Variants in TTC7B observed in about 807,000 individuals in gnomAD.
The protein encoded by TTC7B is tetratricopeptide repeat protein 7B.
TTC7B carries 28 observed loss-of-function variants against 106.8 expected under a neutral mutation model. The ratio of observed to expected loss-of-function variants is 0.26; its 90% CI spans 0.19 to 0.36. The LOEUF is 0.36. Ranked by LOEUF, TTC7B falls within the 10% of genes least tolerant of loss-of-function variation. The pLI, the probability that TTC7B is intolerant of heterozygous loss-of-function variation, is 1.00. For synonymous variants in TTC7B, 405 were observed against 430.6 expected (o/e 0.94, Z 0.74); for missense variants, 862 against 1,076.4 (o/e 0.80, Z 2.79).
chr14:90,705,810 A>G (rs898093288), intron 5 of TTC7B, among the ~76,000 whole-genome samples: 1 of 152,188 alleles, frequency 6.6e-6, no homozygotes, highest in Non-Finnish European at 1.5e-5. Context: ...CGATTCTTCA[A>G]AATCGCTCCT....
In TTC7B at chr14:90,541,241, TG is replaced by T; in HGVS notation, c.*126del. On this transcript the variant is annotated 3_prime_UTR_variant, in exon 20 of 20. Coordinates refer to ENST00000328459, the MANE Select transcript of TTC7B (RefSeq NM_001010854.2). Reference sequence around the variant, plus strand: ...CGGGGTTGGTTTGGTTGGTTCACTGTGGCCCACTGAACACTCGTCCCTGGCC... The same window carrying T: ...CGGGGTTGGTTTGGTTGGTTCACTGTGCCCACTGAACACTCGTCCCTGGCC... The T allele has an allele frequency of 1.2e-6, 1 of 845,210 alleles. No homozygotes were observed. Among genetic ancestry groups the T allele is most frequent in the Non-Finnish European group, 1.8e-6 (1 of 568,504 alleles). 52.4% of individuals were successfully genotyped at this position (845,210 alleles called of 1,614,324 possible).
At chr14:90,603,099 G>A (rs181172942) in intron 17 of TTC7B, among the ~76,000 whole-genome samples, 35 of 152,326 alleles carry the variant, frequency 2.3e-4, no homozygotes, top group Admixed American at 7.8e-4. Flanking sequence ...GGAGGGATGG[G>A]CTCCAGGTGG....
intron 9 of TTC7B, among the ~76,000 whole-genome samples, chr14:90,667,252 A>G (rs1886445698): frequency 6.6e-6 from 1 of 152,172 alleles, no homozygotes; most frequent in Non-Finnish European, 1.5e-5. Context: ...GAGAATTGGG[A>G]TCCATTCTTT....
intron 5 of TTC7B, among the ~76,000 whole-genome samples, chr14:90,707,725 A>T (rs1329067709): frequency 6.6e-6 from 1 of 152,254 alleles, no homozygotes. Context: ...AGCCTAATCT[A>T]GAGCAAGGCC....
chr14:90,713,875 G>A lies in TTC7B; in HGVS notation c.698+16200C>T, dbSNP rs574571559. On this transcript the variant is annotated intron_variant, in intron 5 of 19. Coordinates refer to ENST00000328459, the MANE Select transcript of TTC7B (RefSeq NM_001010854.2). The stretch of plus-strand genomic sequence containing the variant: ...TGACAGCTCCACAATAAAAAGGAAT[G>A]ACCTGCTGATACATGCTACGATGGG... Among the ~76,000 whole-genome samples, 47 of 152,294 alleles carry A rather than the reference G, an allele frequency of 3.1e-4. No individual in the cohort carries two copies. The South Asian group carries it at 7.5e-3, about 24-fold the overall frequency.
intron 17 of TTC7B, among the ~76,000 whole-genome samples, chr14:90,606,802 G>A (rs896455075): frequency 6.6e-6 from 1 of 152,214 alleles, no homozygotes; most frequent in Non-Finnish European, 1.5e-5. Flanking sequence ...ATGGACGTGG[G>A]TGACTCCTCA....
chr14:90,538,311 A>AATGGATGG lies in TTC7B; in HGVS notation c.*3049_*3056dup, dbSNP rs1213106650. Reference sequence around the variant, plus strand: ...GGACGGACGGACGGGTGGACGGATGAATGGATGGATGGATGGATGGACGGA... The same window carrying AATGGATGG: ...GGACGGACGGACGGGTGGACGGATGAATGGATGGATGGATGGATGGATGGATGGACGGA... On this transcript the variant is annotated 3_prime_UTR_variant, in exon 20 of 20. Coordinates refer to ENST00000328459, the MANE Select transcript of TTC7B (RefSeq NM_001010854.2). 1.5e-4 allele frequency: 22 copies of AATGGATGG among 149,800 alleles called. No homozygotes were observed. The highest frequency in any genetic ancestry group is 1.4e-3 in the Admixed American group (21 of 15,104). The allele number at this position is 149,800 out of a possible 1,614,324, so 9.3% of individuals were successfully genotyped here.
intron 17 of TTC7B, 32 bp from the exon 18 acceptor site, chr14:90,593,658 G>C (rs781319256): frequency 6.5e-7 from 1 of 1,549,778 alleles, no homozygotes; most frequent in East Asian, 2.3e-5. Context: ...ACTCTATCAG[G>C]AGCGAAAGAA....
chr14:90,572,226 G>A (rs565138768), intron 19 of TTC7B, among the ~76,000 whole-genome samples: 1 of 152,302 alleles, frequency 6.6e-6, no homozygotes, highest in Admixed American at 6.5e-5. Flanking sequence ...AAACAAGCAT[G>A]TAAACTGGAA....
chr14:90,682,658 T>C (rs1231609904), intron 7 of TTC7B, among the ~76,000 whole-genome samples: 1 of 151,972 alleles, frequency 6.6e-6, no homozygotes, highest in Non-Finnish European at 1.5e-5. Context: ...GCCTCAGCCT[T>C]GAAGAGTGGG....
intron 13 of TTC7B, among the ~76,000 whole-genome samples, chr14:90,651,823 T>C (rs982098923): frequency 5.9e-5 from 9 of 152,142 alleles, no homozygotes; most frequent in Admixed American, 5.2e-4. Context: ...CATGATTTCA[T>C]GAAAAAAGGC....
chr14:90,786,156 C>T lies in TTC7B; in HGVS notation c.276+18G>A. 6.6e-7 allele frequency: 1 copy of T among 1,523,602 alleles called. No homozygotes were observed. Among genetic ancestry groups the T allele is most frequent in the Non-Finnish European group, 8.8e-7 (1 of 1,139,566 alleles). 94.4% of individuals were successfully genotyped at this position (1,523,602 alleles called of 1,614,324 possible). ...CTGTCCAAAGGAAGTGTCGCCTCAG[C>T]CCAGAGGCCCATGGTACCTTAAGGT... is the stretch of plus-strand genomic sequence containing the variant. On this transcript the variant is annotated intron_variant, in intron 2 of 19. Transcript: ENST00000328459.
At chr14:90,656,612 TA>T (rs1419041815) in intron 11 of TTC7B, among the ~76,000 whole-genome samples, 1 of 152,068 alleles carries the variant, frequency 6.6e-6, no homozygotes, top group Non-Finnish European at 1.5e-5. Context: ...GGCAACAGAG[TA>T]AGACCCTGTC....
At position 90,757,729 on chromosome 14, in the gene TTC7B, T is replaced by C. The variant is rs541323823; in HGVS notation, c.446-12807A>G. ...TAGGATGACACCTAGAAGATCATGG[T>C]CATTAGCAAATATCCAATTCATAAA... is the stretch of plus-strand genomic sequence containing the variant. On this transcript the variant is annotated intron_variant, in intron 3 of 19. Coordinates refer to ENST00000328459, the MANE Select transcript of TTC7B (RefSeq NM_001010854.2). The surrounding 1 kb of genome is among the most constrained non-coding windows in gnomAD (Gnocchi z 4.1). Among the ~76,000 whole-genome samples, 12 of 152,290 alleles carry C rather than the reference T, an allele frequency of 7.9e-5. No homozygotes were observed. The highest frequency in any genetic ancestry group is 1.5e-4 in the Non-Finnish European group (10 of 68,028).
intron 3 of TTC7B, among the ~76,000 whole-genome samples, chr14:90,758,586 C>G (rs940164976): frequency 6.6e-6 from 1 of 152,226 alleles, no homozygotes; most frequent in Non-Finnish European, 1.5e-5. Context: ...CGACCCCTGG[C>G]GGCGGCTGCC....
At chr14:90,787,117 C>G (rs1566887941) in intron 1 of TTC7B, among the ~76,000 whole-genome samples, 1 of 152,218 alleles carries the variant, frequency 6.6e-6, no homozygotes, top group Non-Finnish European at 1.5e-5. Flanking sequence ...GAACGCAAGT[C>G]TGTATTCTTG....
chr14:90,605,806 T>G, intron 17 of TTC7B: 3 of 1,194,278 alleles, frequency 2.5e-6, no homozygotes, highest in Non-Finnish European at 3.2e-6. Context: ...AAAAAAACTT[T>G]AGAAACACAA....
chr14:90,675,871 C>T (rs1886814900), intron 9 of TTC7B: 1 of 152,034 alleles, frequency 6.6e-6, no homozygotes, highest in South Asian at 2.1e-4. Context: ...TTTAGCCTTA[C>T]CATGGTAGAA....
intron 16 of TTC7B, 32 bp downstream of exon 16, chr14:90,617,896 AG>A: frequency 6.4e-7 from 1 of 1,566,128 alleles, no homozygotes; most frequent in Middle Eastern, 1.9e-4. Flanking sequence ...CCCATGCAAA[AG>A]CCACGCAAAG....
Sources: gnomAD v4.1 joint callset for allele counts (sites outside exome capture counted in the v4.1 genomes callset) on GRCh38, gnomAD v4.1.1 for gene constraint, Gnocchi (gnomAD v3.1) non-coding constraint, MANE v1.5 for transcripts, NCBI Gene and HGNC (gene_info 2026-07-23, HGNC 2026-07-21) for gene names.